FOXN1: variants seen among roughly 807,000 people sequenced by gnomAD.
The protein encoded by FOXN1 is forkhead box N1.
In FOXN1, 15 loss-of-function variants were observed where a neutral mutation model predicts 49.0. That is an observed-to-expected ratio of 0.31 (90% CI 0.20 to 0.47). The LOEUF is 0.47. FOXN1 is among the 20% of genes least tolerant of loss of function. The pLI is 1.00. For missense variants in FOXN1, 800 were observed against 842.8 expected (o/e 0.95, Z 0.63); for synonymous variants, 356 against 369.0 (o/e 0.96, Z 0.40).
chr17:28,521,942 T>G (rs2069650215), intron 1 of FOXN1, among the ~76,000 whole-genome samples: 1 of 152,236 alleles, frequency 6.6e-6, no homozygotes, highest in African/African-American at 2.4e-5. Flanking sequence ...CTGCTCTGGC[T>G]TGAGGGGGTC....
At chr17:28,517,209 A>T (rs1315363170) in intron 1 of FOXN1, among the ~76,000 whole-genome samples, 1 of 143,312 alleles carries the variant, frequency 7.0e-6, no homozygotes, top group Non-Finnish European at 1.5e-5. Context: ...ACACCTCCAC[A>T]GGGTACACAC....
At position 28,537,498 on chromosome 17, in the gene FOXN1, A is replaced by G; in HGVS notation, c.*62A>G. 3.8e-6 allele frequency: 5 copies of G among 1,329,340 alleles called. No individual in the cohort carries two copies. The highest frequency in any genetic ancestry group is 5.4e-6 in the Non-Finnish European group (5 of 925,314). The allele number at this position is 1,329,340 out of a possible 1,614,324, so 82.3% of individuals were successfully genotyped here. The stretch of plus-strand genomic sequence containing the variant: ...GTCTGGAAGTCCTGGCCGGCCGCCC[A>G]CATCGGGCTCACCTTAAAGGTCAAG... On this transcript the variant is annotated 3_prime_UTR_variant, in exon 9 of 9. Coordinates refer to ENST00000579795, the MANE Select transcript of FOXN1 (RefSeq NM_001369369.1).
At chr17:28,536,001 C>T (rs2070055234) in intron 8 of FOXN1, among the ~76,000 whole-genome samples, 1 of 152,210 alleles carries the variant, frequency 6.6e-6, no homozygotes, top group South Asian at 2.1e-4. Context: ...ATCTTGGCTG[C>T]TCCGTCTCTG....
At chr17:28,530,638 C>A in intron 5 of FOXN1, 111 bp from the exon 6 acceptor site, 1 of 740,792 alleles carries the variant, frequency 1.3e-6, no homozygotes, top group Admixed American at 1.9e-5. Flanking sequence ...TTCTCATTCC[C>A]TTCTCTTTCA....
chr17:28,520,160 G>T (rs567585035), intron 1 of FOXN1, among the ~76,000 whole-genome samples: 2 of 152,206 alleles, frequency 1.3e-5, no homozygotes, highest in East Asian at 1.9e-4. Flanking sequence ...CAGTTCCTGC[G>T]ATTCAAATCC....
intron 4 of FOXN1, 80 bp from the exon 5 acceptor site, chr17:28,529,014 A>G: frequency 6.4e-7 from 1 of 1,569,630 alleles, no homozygotes; most frequent in Non-Finnish European, 8.8e-7. Flanking sequence ...CCTTCTCTGG[A>G]TGTATATAAA....
chr17:28,537,047 A>T, intron 8 of FOXN1, 70 bp from the exon 9 acceptor site: 1 of 1,160,780 alleles, frequency 8.6e-7, no homozygotes, highest in Non-Finnish European at 1.3e-6. Flanking sequence ...GAAGATTGAC[A>T]GGGAGGAGGG....
At chr17:28,523,762 C>T (rs1290637373) in intron 1 of FOXN1, among the ~76,000 whole-genome samples, 194 bp from the exon 2 acceptor site, 1 of 151,804 alleles carries the variant, frequency 6.6e-6, no homozygotes, top group East Asian at 1.9e-4. Context: ...CTTTTCCAAA[C>T]TATTTCTCTT....
At chr17:28,514,855 C>T (rs2069463244) in intron 1 of FOXN1, among the ~76,000 whole-genome samples, 1 of 152,112 alleles carries the variant, frequency 6.6e-6, no homozygotes, top group African/African-American at 2.4e-5. Context: ...GAGGCAGGGA[C>T]AGACCCTCCC....
At chr17:28,513,541 C>T (rs9889932) in intron 1 of FOXN1, among the ~76,000 whole-genome samples, 85,206 of 152,070 alleles carry the variant, frequency 0.56, 24,991 homozygotes, top group East Asian at 0.67. Context: ...ACCCATCCAT[C>T]CAGAGAGGTC....
At chr17:28,535,972 G>A (rs1024421502) in intron 8 of FOXN1, among the ~76,000 whole-genome samples, 2 of 152,180 alleles carry the variant, frequency 1.3e-5, no homozygotes, top group Non-Finnish European at 2.9e-5. Context: ...TTTGGGGAGG[G>A]TTCTACCCAT....
In FOXN1 at chr17:28,537,455, A is replaced by G; in HGVS notation, c.*19A>G. 3 of 1,599,410 alleles carry G rather than the reference A, an allele frequency of 1.9e-6. No homozygotes were observed. Among genetic ancestry groups the G allele is most frequent in the Non-Finnish European group, 2.6e-6 (3 of 1,167,398 alleles). On this transcript the variant is annotated 3_prime_UTR_variant, in exon 9 of 9. Coordinates refer to ENST00000579795, the MANE Select transcript of FOXN1 (RefSeq NM_001369369.1). ...GGCATGAGCTGTGCCCAGCTTCGTC[A>G]GCTCCAGCGTTTGCCTGGTCTGGAA...
chr17:28,533,485 A>ACCCCCCCC (rs3837849), intron 6 of FOXN1, among the ~76,000 whole-genome samples: 1 of 126,380 alleles, frequency 7.9e-6, no homozygotes, highest in Admixed American at 8.3e-5. Context: ...TGGCACGAGC[A>ACCCCCCCC]CCCCCCCCCA....
At chr17:28,531,879 G>A (rs2069923227) in intron 6 of FOXN1, among the ~76,000 whole-genome samples, 1 of 152,206 alleles carries the variant, frequency 6.6e-6, no homozygotes, top group Admixed American at 6.5e-5. Context: ...GCCATCAGAT[G>A]AGGAGTGGGC....
chr17:28,509,730 G>A (rs1315986595), intron 1 of FOXN1, among the ~76,000 whole-genome samples: 1 of 152,268 alleles, frequency 6.6e-6, no homozygotes, highest in Admixed American at 6.5e-5. Context: ...CACACTGCGG[G>A]CATGTGGCAG....
intron 1 of FOXN1, among the ~76,000 whole-genome samples, chr17:28,506,798 A>T (rs953393924): frequency 6.6e-6 from 1 of 152,058 alleles, no homozygotes; most frequent in Admixed American, 6.5e-5. Flanking sequence ...GATCTGGAAA[A>T]CTAGAGCTGA....
At chr17:28,523,257 A>G (rs777432662) in intron 1 of FOXN1, among the ~76,000 whole-genome samples, 2 of 152,254 alleles carry the variant, frequency 1.3e-5, no homozygotes, top group Non-Finnish European at 2.9e-5. Flanking sequence ...TTTGGAGGAC[A>G]CAGGTGGAAC....
In FOXN1 at chr17:28,537,603, C is replaced by A. The variant is rs919440852; in HGVS notation, c.*167C>A. 2 of 673,266 alleles carry A rather than the reference C, an allele frequency of 3.0e-6. No individual in the cohort carries two copies. The highest frequency in any genetic ancestry group is 5.4e-6 in the Non-Finnish European group (2 of 371,188). 41.7% of individuals were successfully genotyped at this position (673,266 alleles called of 1,614,324 possible). On this transcript the variant is annotated 3_prime_UTR_variant, in exon 9 of 9. Coordinates refer to ENST00000579795, the MANE Select transcript of FOXN1 (RefSeq NM_001369369.1). Reference sequence around the variant, plus strand: ...GTAGCTGGGGGCGCAGAGGACATCACCTGGGGTGCTGCCTCTCACACATTT... The same window carrying A: ...GTAGCTGGGGGCGCAGAGGACATCAACTGGGGTGCTGCCTCTCACACATTT...
At chr17:28,511,842 G>A (rs532042421) in intron 1 of FOXN1, among the ~76,000 whole-genome samples, 101 of 152,192 alleles carry the variant, frequency 6.6e-4, no homozygotes, top group African/African-American at 1.8e-3. Context: ...CAGTGAAGGC[G>A]TCCAGAGATT....
Sources: gnomAD v4.1 joint callset for allele counts (sites outside exome capture counted in the v4.1 genomes callset) on GRCh38, gnomAD v4.1.1 for gene constraint, MANE v1.5 for transcripts, NCBI Gene and HGNC (gene_info 2026-07-23, HGNC 2026-07-21) for gene names.